The following EYA2 variants were observed in gnomAD, a reference collection of about 807,000 sequenced individuals.
EYA2 encodes EYA transcriptional coactivator and phosphatase 2, also known as protein phosphatase EYA2.
EYA2 carries 31 observed loss-of-function variants against 69.2 expected under a neutral mutation model. That is an observed-to-expected ratio of 0.45 (90% CI 0.34 to 0.60). The LOEUF is 0.60. Among genes scored for constraint, EYA2 ranks in the 20% least tolerant of loss-of-function variants. The pLI is 0.02. For synonymous variants in EYA2, 257 were observed against 279.4 expected (o/e 0.92, Z 0.80); for missense variants, 622 against 701.2 (o/e 0.89, Z 1.28).
intron 5 of EYA2, among the ~76,000 whole-genome samples, chr20:47,027,968 G>T (rs931407487): frequency 1.3e-5 from 2 of 152,340 alleles, no homozygotes; most frequent in African/African-American, 4.8e-5. Context: ...AAATTCATAT[G>T]TTGAAGCTGT....
intron 10 of EYA2, among the ~76,000 whole-genome samples, chr20:47,168,808 AC>A (rs1214670302): frequency 6.6e-6 from 1 of 152,184 alleles, no homozygotes; most frequent in Non-Finnish European, 1.5e-5. Context: ...GAAGCTGGGG[AC>A]CTAGGGGAGT....
chr20:46,924,452 C>T (rs936237739), intron 1 of EYA2, among the ~76,000 whole-genome samples: 11 of 152,178 alleles, frequency 7.2e-5, no homozygotes, highest in Admixed American at 3.3e-4. Context: ...GGGTGGATCG[C>T]GAGGTCAGGA....
At chr20:47,006,386 C>T (rs1350411031) in intron 4 of EYA2, among the ~76,000 whole-genome samples, 1 of 152,194 alleles carries the variant, frequency 6.6e-6, no homozygotes, top group African/African-American at 2.4e-5. Context: ...GACTTTACAG[C>T]CCACCCAAAT....
In EYA2 at chr20:47,098,999, G is replaced by A. The variant is rs553111815; in HGVS notation, c.888+1831G>A. Among the ~76,000 whole-genome samples the A allele has an allele frequency of 2.6e-5, 4 of 152,330 alleles. No homozygotes were observed. The South Asian group carries it at 8.3e-4, about 32-fold the overall frequency. ...CAGAAGATCCTGAGACAAAGAGTGA[G>A]TGCGAGTAATCTATCTGGGAGGTAA... On this transcript the variant is annotated intron_variant, in intron 9 of 15. Coordinates refer to ENST00000327619, the MANE Select transcript of EYA2 (RefSeq NM_005244.5).
At chr20:47,160,823 T>C in intron 10 of EYA2, 1 of 231,840 alleles carries the variant, frequency 4.3e-6, no homozygotes, top group Non-Finnish European at 8.2e-6. Flanking sequence ...ACTTTATTTT[T>C]CTTGTATAAA....
At chr20:47,172,326 G>C (rs1454560519) in intron 11 of EYA2, among the ~76,000 whole-genome samples, 1 of 151,448 alleles carries the variant, frequency 6.6e-6, no homozygotes, top group Non-Finnish European at 1.5e-5. Context: ...GAGCCTGTGG[G>C]CCCAGCTCCT....
intron 7 of EYA2, among the ~76,000 whole-genome samples, chr20:47,077,049 A>G (rs1443187974): frequency 6.6e-6 from 1 of 152,310 alleles, no homozygotes; most frequent in Middle Eastern, 3.4e-3. Flanking sequence ...CTGGAGCTAG[A>G]GTTGGGGTCA....
rs181443067 is a variant in EYA2 at position 47,023,382 on chromosome 20, G to A, written c.415+7085G>A. On this transcript the variant is annotated intron_variant, in intron 5 of 15. Transcript: ENST00000327619. ...TGTTGTTGTTGTTACGTGCCTTGATGTAGTTTTCTTTATGATTCTCGTGCT... is the reference window on the plus strand; with the variant it reads ...TGTTGTTGTTGTTACGTGCCTTGATATAGTTTTCTTTATGATTCTCGTGCT... Among the ~76,000 whole-genome samples the A allele has an allele frequency of 1.6e-3, 237 of 152,284 alleles. 2 individuals carry two copies. Among genetic ancestry groups the A allele is most frequent in the African/African-American group, 5.5e-3 (229 of 41,556 alleles).
chr20:47,162,761 C>T (rs544033689), intron 10 of EYA2, among the ~76,000 whole-genome samples: 27 of 151,892 alleles, frequency 1.8e-4, no homozygotes, highest in Non-Finnish European at 3.5e-4. Context: ...TCAGGAGATG[C>T]ACCCTCTTTG....
At chr20:46,912,541 T>G (rs1457125542) in intron 1 of EYA2, among the ~76,000 whole-genome samples, 1 of 152,088 alleles carries the variant, frequency 6.6e-6, no homozygotes, top group Non-Finnish European at 1.5e-5. Flanking sequence ...CTTGCCCTCA[T>G]GGAGCTTTTG....
intron 1 of EYA2, among the ~76,000 whole-genome samples, chr20:46,914,869 A>G (rs1488014096): frequency 6.6e-6 from 1 of 152,190 alleles, no homozygotes; most frequent in Non-Finnish European, 1.5e-5. Flanking sequence ...AATCATGACC[A>G]TGATTGTTTG....
chr20:47,004,152 C>G (rs559736652), intron 3 of EYA2, among the ~76,000 whole-genome samples: 3 of 152,320 alleles, frequency 2.0e-5, no homozygotes, highest in East Asian at 3.9e-4. Flanking sequence ...GAAATCAACT[C>G]TGGCTGATAT....
chr20:47,074,670 C>T (rs1425237267), intron 7 of EYA2, among the ~76,000 whole-genome samples: 2 of 152,216 alleles, frequency 1.3e-5, no homozygotes, highest in Non-Finnish European at 2.9e-5. Flanking sequence ...ATAGTAGCCA[C>T]ATTCCCAAGG....
At chr20:46,954,901 TTTTCA>T (rs1979026448) in intron 1 of EYA2, among the ~76,000 whole-genome samples, 1 of 152,088 alleles carries the variant, frequency 6.6e-6, no homozygotes, top group African/African-American at 2.4e-5. Flanking sequence ...TACTCGAGGT[TTTTCA>T]TGTGTGTCAT....
chr20:46,952,451 A>G (rs1423017229), intron 1 of EYA2, among the ~76,000 whole-genome samples: 4 of 152,226 alleles, frequency 2.6e-5, no homozygotes, highest in African/African-American at 9.6e-5. Context: ...GTGATGAATC[A>G]ATAGCTTTGG....
intron 8 of EYA2, among the ~76,000 whole-genome samples, chr20:47,091,706 C>G (rs2032091455): frequency 6.6e-6 from 1 of 151,960 alleles, no homozygotes; most frequent in Admixed American, 6.6e-5. Flanking sequence ...GACCACACCA[C>G]TGCACTCCAG....
At chr20:47,015,532 C>T (rs1983355002) in intron 4 of EYA2, among the ~76,000 whole-genome samples, 1 of 152,086 alleles carries the variant, frequency 6.6e-6, no homozygotes, top group African/African-American at 2.4e-5. Context: ...ACATTTAAGC[C>T]ATACACAGCA....
chr20:47,104,900 A>G (rs1396691155), intron 9 of EYA2, among the ~76,000 whole-genome samples: 1 of 152,158 alleles, frequency 6.6e-6, no homozygotes, highest in Non-Finnish European at 1.5e-5. Flanking sequence ...GCACGTCTGT[A>G]ATCCCAGCTA....
chr20:47,120,539 C>T (rs1296982548), intron 9 of EYA2, among the ~76,000 whole-genome samples: 1 of 152,140 alleles, frequency 6.6e-6, no homozygotes, highest in African/African-American at 2.4e-5. Context: ...GTGGGGAAGT[C>T]GCTTCTTGCC....
Sources: gnomAD v4.1 joint callset for allele counts (sites outside exome capture counted in the v4.1 genomes callset) on GRCh38, gnomAD v4.1.1 for gene constraint, MANE v1.5 for transcripts, NCBI Gene and HGNC (gene_info 2026-07-23, HGNC 2026-07-21) for gene names.